The following NWD2 variants were observed in gnomAD, a reference collection of about 807,000 sequenced individuals.
NWD2 encodes NACHT and WD repeat domain-containing protein 2.
In NWD2, 37 loss-of-function variants were observed where a neutral mutation model predicts 132.7. The observed-to-expected ratio is 0.28, with a 90% CI of 0.21 to 0.37. The LOEUF (loss-of-function observed/expected upper bound fraction) is 0.37, where lower values mean the gene tolerates loss of function less well. Among genes scored for constraint, NWD2 ranks in the 10% least tolerant of loss-of-function variants. The probability of loss-of-function intolerance (pLI) is 1.00; values close to 1 mark genes in which losing one functional copy is unlikely to be tolerated. For synonymous variants in NWD2, 705 were observed against 803.0 expected (o/e 0.88, Z 2.06); for missense variants, 1,592 against 2,122.4 (o/e 0.75, Z 4.91).
chr4:37,312,221 G>A (rs1718860611), intron 1 of NWD2, among the ~76,000 whole-genome samples: 3 of 151,548 alleles, frequency 2.0e-5, no homozygotes, highest in Non-Finnish European at 4.4e-5. Flanking sequence ...ACCTTGGGCA[G>A]TATGGCCATT....
At chr4:37,407,429 G>T (rs1407699847) in intron 3 of NWD2, among the ~76,000 whole-genome samples, 2 of 152,160 alleles carry the variant, frequency 1.3e-5, no homozygotes, top group Non-Finnish European at 2.9e-5. Context: ...CCCAAAGTTT[G>T]TGATTCTGTG....
intron 3 of NWD2, among the ~76,000 whole-genome samples, chr4:37,365,339 G>A: frequency 6.6e-6 from 1 of 152,006 alleles, no homozygotes; most frequent in East Asian, 1.9e-4. Flanking sequence ...AGTGCAGGGG[G>A]GTTTGTATCA....
chr4:37,255,656 G>A (rs1280339033), intron 1 of NWD2, among the ~76,000 whole-genome samples: 2 of 152,200 alleles, frequency 1.3e-5, no homozygotes, highest in African/African-American at 4.8e-5. Flanking sequence ...GAATAGGGTA[G>A]CAGAAAGTGT....
intron 3 of NWD2, among the ~76,000 whole-genome samples, chr4:37,372,659 A>T (rs555582302): frequency 5.9e-5 from 9 of 152,220 alleles, no homozygotes; most frequent in African/African-American, 2.2e-4. Flanking sequence ...AGGTCAAAGG[A>T]TAGCATTCTT....
chr4:37,440,493 T>C (rs1356751052), intron 6 of NWD2, among the ~76,000 whole-genome samples: 1 of 152,068 alleles, frequency 6.6e-6, no homozygotes, highest in Non-Finnish European at 1.5e-5. Context: ...ACCAGATGCC[T>C]GTATCCCCAA....
Position 37,413,871 on chromosome 4 carries a change from A to G in NWD2, c.358-16701A>G, listed in dbSNP as rs574417336. ...TCATTCTCAGCAAACTATCACAAGA[A>G]CAGAAAACCAAACACCGCATGTTCT... On this transcript the variant is annotated intron_variant, in intron 3 of 6. Coordinates refer to ENST00000309447, the MANE Select transcript of NWD2 (RefSeq NM_001144990.2). 2.0e-5 allele frequency among the ~76,000 whole-genome samples: 3 copies of G among 152,312 alleles called. No homozygotes were observed. The South Asian group carries it at 6.2e-4, about 32-fold the overall frequency.
At chr4:37,260,711 T>TA (rs1398387659) in intron 1 of NWD2, among the ~76,000 whole-genome samples, 1 of 152,112 alleles carries the variant, frequency 6.6e-6, no homozygotes, top group Non-Finnish European at 1.5e-5. Flanking sequence ...ATGAGTAGGG[T>TA]AAAATAGGCA....
intron 3 of NWD2, among the ~76,000 whole-genome samples, chr4:37,382,949 C>A (rs1241104755): frequency 6.6e-6 from 1 of 152,024 alleles, no homozygotes; most frequent in East Asian, 1.9e-4. Context: ...CCACCTTGAC[C>A]TCCCAAAGTG....
chr4:37,403,514 C>T (rs556727665), intron 3 of NWD2, among the ~76,000 whole-genome samples: 2 of 152,144 alleles, frequency 1.3e-5, no homozygotes, highest in African/African-American at 4.8e-5. Context: ...ATCCAGTTTC[C>T]CCAGTGGAGA....
intron 3 of NWD2, among the ~76,000 whole-genome samples, chr4:37,375,775 G>T (rs185608452): frequency 0.029 from 4,338 of 152,144 alleles, 195 homozygotes; most frequent in African/African-American, 0.1. Flanking sequence ...CACCGTGTTA[G>T]CCAGGATGGT....
At chr4:37,403,151 A>T (rs540153811) in intron 3 of NWD2, among the ~76,000 whole-genome samples, 1 of 152,276 alleles carries the variant, frequency 6.6e-6, no homozygotes, top group South Asian at 2.1e-4. Context: ...ACAAATATTT[A>T]TTGTGCCCTT....
intron 3 of NWD2, among the ~76,000 whole-genome samples, chr4:37,369,122 C>T (rs994702924): frequency 6.6e-6 from 1 of 152,064 alleles, no homozygotes; most frequent in African/African-American, 2.4e-5. Context: ...TTCCATCACA[C>T]CATTATAGAT....
At chr4:37,270,336 A>G (rs774281887) in intron 1 of NWD2, among the ~76,000 whole-genome samples, 13 of 151,836 alleles carry the variant, frequency 8.6e-5, no homozygotes, top group Admixed American at 7.9e-4. Flanking sequence ...TCCCATTTAA[A>G]CTTCAAACAG....
intron 2 of NWD2, among the ~76,000 whole-genome samples, chr4:37,337,883 G>C (rs532471491): frequency 1.3e-5 from 2 of 152,020 alleles, no homozygotes; most frequent in East Asian, 3.9e-4. Context: ...CTACTTCCCT[G>C]TCTTCAAGAC....
At chr4:37,351,253 G>A (rs991684542) in intron 2 of NWD2, among the ~76,000 whole-genome samples, 3 of 152,168 alleles carry the variant, frequency 2.0e-5, no homozygotes, top group Admixed American at 1.3e-4. Context: ...CAGAAGGAAT[G>A]GTGCCAGCTC....
intron 2 of NWD2, among the ~76,000 whole-genome samples, chr4:37,326,710 A>G (rs1348783171): frequency 6.6e-6 from 1 of 152,156 alleles, no homozygotes; most frequent in African/African-American, 2.4e-5. Context: ...TTTAGTCAGA[A>G]TTTTTCAGCC....
At chr4:37,273,183 G>T (rs1205038229) in intron 1 of NWD2, among the ~76,000 whole-genome samples, 3 of 151,804 alleles carry the variant, frequency 2.0e-5, no homozygotes, top group Non-Finnish European at 4.4e-5. Flanking sequence ...TAGTTTAACA[G>T]ATTTTTTTAT....
At chr4:37,320,018 A>C (rs770044093) in intron 1 of NWD2, among the ~76,000 whole-genome samples, 3 of 152,158 alleles carry the variant, frequency 2.0e-5, no homozygotes, top group Admixed American at 1.3e-4. Context: ...GACAAATGAC[A>C]TTGGTAGTTT....
chr4:37,259,224 G>A (rs971264057), intron 1 of NWD2, among the ~76,000 whole-genome samples: 1 of 152,160 alleles, frequency 6.6e-6, no homozygotes, highest in African/African-American at 2.4e-5. Flanking sequence ...GAAAAGAAAT[G>A]CAACTCTATG....
Sources: gnomAD v4.1 joint callset for allele counts (sites outside exome capture counted in the v4.1 genomes callset) on GRCh38, gnomAD v4.1.1 for gene constraint, MANE v1.5 for transcripts, NCBI Gene and HGNC (gene_info 2026-07-23, HGNC 2026-07-21) for gene names.